The following TMEM164 variants were observed in gnomAD, a reference collection of about 807,000 sequenced individuals.
The protein encoded by TMEM164 is RP13-360B22.2.
A neutral mutation model predicts 18.8 loss-of-function variants in TMEM164; 4 were observed. The ratio of observed to expected loss-of-function variants is 0.21; its 90% CI spans 0.10 to 0.49. The LOEUF is 0.49. TMEM164 is among the 20% of genes least tolerant of loss of function. The pLI, the probability that TMEM164 is intolerant of heterozygous loss-of-function variation, is 0.98. For missense variants in TMEM164, 108 were observed against 239.9 expected (o/e 0.45, Z 3.63); for synonymous variants, 86 against 101.7 (o/e 0.85, Z 0.93).
chrX:110,163,355 T>G (rs1421257024), intron 5 of TMEM164, among the ~76,000 whole-genome samples: 1 of 112,567 alleles, frequency 8.9e-6, no homozygotes, highest in East Asian at 2.8e-4. Context: ...TAGATCTTAC[T>G]TAACCCAGTA....
At chrX:110,082,443 G>T (rs1258668300) in intron 3 of TMEM164, among the ~76,000 whole-genome samples, 1 of 111,775 alleles carries the variant, frequency 8.9e-6, no homozygotes, top group Admixed American at 9.5e-5. Context: ...CTTTCCTGAA[G>T]AGCTATCTAC....
intron 2 of TMEM164, among the ~76,000 whole-genome samples, chrX:110,037,823 C>G (rs1934883650): frequency 9.0e-6 from 1 of 111,677 alleles, no homozygotes; most frequent in Non-Finnish European, 1.9e-5. Context: ...TAAGTTGAAC[C>G]TTTCAATTAA....
At chrX:110,089,864 C>G (rs1362655621) in intron 3 of TMEM164, among the ~76,000 whole-genome samples, 1 of 111,818 alleles carries the variant, frequency 8.9e-6, no homozygotes, top group Non-Finnish European at 1.9e-5. Flanking sequence ...ATGACATGAC[C>G]CATGTAAATT....
intron 5 of TMEM164, among the ~76,000 whole-genome samples, chrX:110,151,708 A>G (rs1261828738): frequency 9.0e-6 from 1 of 111,469 alleles, no homozygotes; most frequent in Non-Finnish European, 1.9e-5. Flanking sequence ...GCTTGAACCC[A>G]GGAGGTGGAG....
intron 4 of TMEM164, among the ~76,000 whole-genome samples, chrX:110,123,087 A>G (rs1159737889): frequency 1.8e-5 from 2 of 111,673 alleles, no homozygotes; most frequent in African/African-American, 3.3e-5. Context: ...GTTAATCTTT[A>G]TGTGTAGTGT....
chrX:110,160,432 G>T (rs745441864), intron 5 of TMEM164, among the ~76,000 whole-genome samples: 4 of 112,494 alleles, frequency 3.6e-5, no homozygotes, highest in African/African-American at 1.3e-4. Context: ...CCTGCTGCTA[G>T]ATCTTGTGAT....
intron 5 of TMEM164, among the ~76,000 whole-genome samples, chrX:110,170,522 A>G (rs1188753320): frequency 9.0e-6 from 1 of 111,689 alleles, no homozygotes; most frequent in Non-Finnish European, 1.9e-5. Context: ...TGGGGGTTCC[A>G]GGTCCCTTTC....
At chrX:110,019,034 T>C (rs1318941316) in intron 2 of TMEM164, among the ~76,000 whole-genome samples, 1 of 111,394 alleles carries the variant, frequency 9.0e-6, no homozygotes, top group Non-Finnish European at 1.9e-5. Flanking sequence ...GGGAGAAAGG[T>C]AGGTTTGTAT....
intron 2 of TMEM164, among the ~76,000 whole-genome samples, chrX:110,013,093 G>T (rs1256786013): frequency 1.8e-5 from 2 of 111,696 alleles, no homozygotes; most frequent in African/African-American, 3.3e-5. Flanking sequence ...AAGGAAGCAT[G>T]GTACCATCCT....
intron 3 of TMEM164, among the ~76,000 whole-genome samples, chrX:110,098,181 G>T (rs933421124): frequency 1.8e-5 from 2 of 112,054 alleles, no homozygotes; most frequent in African/African-American, 6.5e-5. Context: ...TAGAGAGTGG[G>T]TTTGTTTACT....
At chrX:110,008,914 G>A (rs1432450738) in intron 2 of TMEM164, among the ~76,000 whole-genome samples, 5 of 111,500 alleles carry the variant, frequency 4.5e-5, no homozygotes, top group Non-Finnish European at 9.4e-5. Context: ...AACCGACAAA[G>A]CTCAACTCCT....
chrX:110,034,784 G>A lies in TMEM164; in HGVS notation c.390+30620G>A, dbSNP rs530788672. Among the ~76,000 whole-genome samples, 29 of 102,701 alleles carry A rather than the reference G, an allele frequency of 2.8e-4. No homozygotes were observed. The South Asian group carries it at 5.8e-3, about 20-fold the overall frequency. The allele number at this position is 102,701 out of a possible 115,157, so 89.2% of individuals were successfully genotyped here. A position where few individuals can be genotyped will look rare whatever the true frequency, so the allele number is the denominator to read the frequency against. On this transcript the variant is annotated intron_variant, in intron 2 of 6. Coordinates refer to ENST00000372068, the MANE Select transcript of TMEM164 (RefSeq NM_032227.4). ...ACACATGCACACGTATGTTTATTGC[G>A]GCACTATTCACAATAGCAAAGACTT...
intron 5 of TMEM164, among the ~76,000 whole-genome samples, chrX:110,161,107 A>G (rs1037489671): frequency 1.8e-5 from 2 of 112,063 alleles, no homozygotes; most frequent in Non-Finnish European, 3.8e-5. Flanking sequence ...TAGGCAGGCC[A>G]CCTCTCTCTT....
chrX:110,070,490 G>GTA (rs1186010189), intron 3 of TMEM164, among the ~76,000 whole-genome samples: 1 of 111,492 alleles, frequency 9.0e-6, no homozygotes, highest in Non-Finnish European at 1.9e-5. Context: ...CTAAGAAATG[G>GTA]TATTTCTTTC....
intron 5 of TMEM164, among the ~76,000 whole-genome samples, chrX:110,169,164 C>T (rs949857776): frequency 8.9e-6 from 1 of 112,016 alleles, no homozygotes; most frequent in Non-Finnish European, 1.9e-5. Flanking sequence ...CCCATTTCCA[C>T]TTGGATATTC....
chrX:110,126,399 C>CT (rs1230384697), intron 4 of TMEM164, among the ~76,000 whole-genome samples: 3 of 112,428 alleles, frequency 2.7e-5, no homozygotes, highest in East Asian at 5.6e-4. Context: ...AGACTGTTGG[C>CT]TTTAGCAGTG....
intron 2 of TMEM164, among the ~76,000 whole-genome samples, chrX:110,042,884 C>T (rs982133816): frequency 5.3e-5 from 6 of 112,262 alleles, no homozygotes; most frequent in Non-Finnish European, 1.1e-4. Context: ...GTTTTTGTTG[C>T]TGAGTTGCAG....
chrX:110,038,531 T>C (rs1329511326), intron 2 of TMEM164, among the ~76,000 whole-genome samples: 1 of 110,821 alleles, frequency 9.0e-6, no homozygotes, highest in African/African-American at 3.3e-5. Context: ...TGGAGGGGCT[T>C]TGGGACACAA....
At position 110,105,895 on chromosome X, in the gene TMEM164, C is replaced by G. The variant is rs762261946; in HGVS notation, c.441-3185C>G. Reference sequence around the variant, plus strand: ...CTGAGCGTGACTTCAGCCTCTGCCACTTATTGTCTGTTTGATCTTGGGCAG... The same window carrying G: ...CTGAGCGTGACTTCAGCCTCTGCCAGTTATTGTCTGTTTGATCTTGGGCAG... On this transcript the variant is annotated intron_variant, in intron 3 of 6. Transcript: ENST00000372068. 2.7e-5 allele frequency among the ~76,000 whole-genome samples: 3 copies of G among 111,504 alleles called. No homozygotes were observed. The South Asian group carries it at 1.1e-3, about 42-fold the overall frequency.
Sources: allele counts gnomAD v4.1 joint callset (sites outside exome capture counted in the v4.1 genomes callset), GRCh38; gene constraint gnomAD v4.1.1; transcripts MANE v1.5; gene names NCBI Gene and HGNC (gene_info 2026-07-23, HGNC 2026-07-21).